Variants in TRPC1 observed in about 807,000 individuals in gnomAD.
TRPC1 encodes transient receptor potential cation channel subfamily C member 1.
TRPC1 carries 42 observed loss-of-function variants against 88.2 expected under a neutral mutation model. The ratio of observed to expected loss-of-function variants is 0.48; its 90% CI spans 0.37 to 0.62. TRPC1 has a LOEUF of 0.62. Among genes scored for constraint, TRPC1 ranks in the 20% least tolerant of loss-of-function variants. The pLI is 0.00. For synonymous variants in TRPC1, 288 were observed against 331.8 expected (o/e 0.87, Z 1.43); for missense variants, 699 against 957.3 (o/e 0.73, Z 3.56).
intron 4 of TRPC1, among the ~76,000 whole-genome samples, chr3:142,752,200 G>A (rs1934790024): frequency 6.6e-6 from 1 of 152,152 alleles, no homozygotes; most frequent in East Asian, 1.9e-4. Context: ...CACCGGCACC[G>A]GCCTCTGAGT....
chr3:142,742,056 G>C (rs1934371295), intron 2 of TRPC1, among the ~76,000 whole-genome samples: 1 of 151,810 alleles, frequency 6.6e-6, no homozygotes, highest in African/African-American at 2.4e-5. Flanking sequence ...CCAGCTACTC[G>C]GGAGGCTGAG....
intron 4 of TRPC1, among the ~76,000 whole-genome samples, chr3:142,768,429 T>A (rs1283552429): frequency 6.6e-6 from 1 of 152,146 alleles, no homozygotes; most frequent in African/African-American, 2.4e-5. Context: ...GGTTACTGAT[T>A]ACATGGCACT....
At chr3:142,746,073 T>C (rs1934543373) in intron 3 of TRPC1, among the ~76,000 whole-genome samples, 1 of 152,170 alleles carries the variant, frequency 6.6e-6, no homozygotes, top group African/African-American at 2.4e-5. Flanking sequence ...CTTTTACTTC[T>C]AGAGAGGCAA....
At position 142,724,804 on chromosome 3, in the gene TRPC1, TTA is replaced by T; in HGVS notation, c.172+77_172+78del. On this transcript the variant is annotated intron_variant, in intron 1 of 12. Coordinates refer to ENST00000476941, the MANE Select transcript of TRPC1 (RefSeq NM_001251845.2). The surrounding 1 kb of genome is among the most constrained non-coding windows in gnomAD (Gnocchi z 5.6). ...CTTTAGTCCTCTCCCCCGCCTCAAC[TTA>T]TATCGGGGCATTCCCTCTGTCTCAG... 7.0e-7 allele frequency: 1 copy of T among 1,432,022 alleles called. No individual in the cohort carries two copies. Among genetic ancestry groups the T allele is most frequent in the Non-Finnish European group, 9.2e-7 (1 of 1,083,926 alleles). The allele number at this position is 1,432,022 out of a possible 1,614,324, so 88.7% of individuals were successfully genotyped here.
At position 142,775,673 on chromosome 3, in the gene TRPC1, A is replaced by G. The variant is rs1935744523; in HGVS notation, c.633-1959A>G. 2.0e-5 allele frequency among the ~76,000 whole-genome samples: 3 copies of G among 152,206 alleles called. No homozygotes were observed. In the South Asian group the frequency reaches 6.2e-4, roughly 32 times the overall value. ...TGGACAGTAGGCTAATTTCTTTGAT[A>G]TGTAGAAATCTTACAAATTGACTAA... On this transcript the variant is annotated intron_variant, in intron 4 of 12. Transcript: ENST00000476941.
chr3:142,748,984 G>A (rs1934655250), intron 4 of TRPC1, among the ~76,000 whole-genome samples: 1 of 152,162 alleles, frequency 6.6e-6, no homozygotes, highest in Non-Finnish European at 1.5e-5. Context: ...GTCACAGGTT[G>A]AGCAAGATCA....
chr3:142,774,518 A>G (rs1156708214), intron 4 of TRPC1, among the ~76,000 whole-genome samples: 1 of 152,176 alleles, frequency 6.6e-6, no homozygotes, highest in Admixed American at 6.5e-5. Flanking sequence ...ATGAAACTAC[A>G]AGTATACCAG....
intron 4 of TRPC1, among the ~76,000 whole-genome samples, chr3:142,756,446 G>A (rs1418224193): frequency 4.0e-5 from 6 of 149,966 alleles, no homozygotes; most frequent in Admixed American, 6.7e-5. Flanking sequence ...TGCAAGCTCC[G>A]CCTCCCGGGT....
chr3:142,755,324 C>T (rs1453678148), intron 4 of TRPC1, among the ~76,000 whole-genome samples: 1 of 152,102 alleles, frequency 6.6e-6, no homozygotes, highest in Non-Finnish European at 1.5e-5. Flanking sequence ...ACTTGGGAGG[C>T]TGAGGCAGGA....
intron 6 of TRPC1, among the ~76,000 whole-genome samples, chr3:142,783,964 G>A (rs954009743): frequency 7.2e-5 from 11 of 152,072 alleles, no homozygotes; most frequent in African/African-American, 2.7e-4. Context: ...TGGTAAATTA[G>A]TTTCTGTACC....
At chr3:142,729,496 A>G (rs1327893385) in intron 1 of TRPC1, among the ~76,000 whole-genome samples, 2 of 152,158 alleles carry the variant, frequency 1.3e-5, no homozygotes, top group Admixed American at 1.3e-4. Context: ...ATTTAACTTA[A>G]ATGGCCTATA....
chr3:142,793,629 A>G (rs1024934273), intron 9 of TRPC1, among the ~76,000 whole-genome samples: 1 of 152,028 alleles, frequency 6.6e-6, no homozygotes, highest in Admixed American at 6.6e-5. Flanking sequence ...AAGACTCATA[A>G]TTGGTTGCAT....
intron 4 of TRPC1, among the ~76,000 whole-genome samples, chr3:142,763,901 A>G (rs899263126): frequency 7.9e-5 from 11 of 138,984 alleles, no homozygotes; most frequent in African/African-American, 1.9e-4. Flanking sequence ...TTATAAATAT[A>G]ACAAATTATT....
chr3:142,726,734 A>C (rs1214195668), intron 1 of TRPC1, among the ~76,000 whole-genome samples: 1 of 152,172 alleles, frequency 6.6e-6, no homozygotes, highest in East Asian at 1.9e-4. Flanking sequence ...GACTTTTTAA[A>C]ATGTTACCTA....
At position 142,757,976 on chromosome 3, in the gene TRPC1, ACT is replaced by A. The variant is rs151316326; in HGVS notation, c.632+9519_632+9520del. 1.3e-3 allele frequency among the ~76,000 whole-genome samples: 191 copies of A among 152,058 alleles called. 5 individuals carry two copies. In the East Asian group the frequency reaches 0.032, roughly 25 times the overall value. ...TTTGTGTTGCAAACAATCCAATTAT[ACT>A]CTTTTATAATGTACAATAATAAATG... is the stretch of plus-strand genomic sequence containing the variant. On this transcript the variant is annotated intron_variant, in intron 4 of 12. Coordinates refer to ENST00000476941, the MANE Select transcript of TRPC1 (RefSeq NM_001251845.2).
intron 2 of TRPC1, among the ~76,000 whole-genome samples, chr3:142,742,819 A>G (rs1934403441): frequency 6.6e-6 from 1 of 152,090 alleles, no homozygotes; most frequent in African/African-American, 2.4e-5. Flanking sequence ...GAGTCTCCTT[A>G]CTTTTTCCTC....
intron 4 of TRPC1, among the ~76,000 whole-genome samples, chr3:142,755,692 ATTTC>A (rs1264576201): frequency 2.0e-5 from 3 of 152,166 alleles, no homozygotes; most frequent in Non-Finnish European, 4.4e-5. Flanking sequence ...GGAATTACAT[ATTTC>A]CATATTCTTA....
chr3:142,758,855 G>A (rs1291063431), intron 4 of TRPC1, among the ~76,000 whole-genome samples: 1 of 127,354 alleles, frequency 7.9e-6, no homozygotes, highest in Non-Finnish European at 1.6e-5. Flanking sequence ...GCCCTGGTGT[G>A]TGATGTTCCC....
At chr3:142,798,375 A>G (rs1314382933) in intron 9 of TRPC1, among the ~76,000 whole-genome samples, 2 of 152,200 alleles carry the variant, frequency 1.3e-5, no homozygotes, top group East Asian at 3.8e-4. Context: ...GCTAGAGGAG[A>G]CAAACATAAC....
Sources: allele counts gnomAD v4.1 joint callset (sites outside exome capture counted in the v4.1 genomes callset), GRCh38; gene constraint gnomAD v4.1.1; non-coding constraint Gnocchi (gnomAD v3.1); transcripts MANE v1.5; gene names NCBI Gene and HGNC (gene_info 2026-07-23, HGNC 2026-07-21).